KIF15: variants seen among roughly 807,000 people sequenced by gnomAD.
KIF15 encodes kinesin-like protein KIF15.
Under a neutral mutation model 190.6 loss-of-function variants are expected in KIF15, and 140 were observed. That is an observed-to-expected ratio of 0.73 (90% CI 0.64 to 0.84). The LOEUF (loss-of-function observed/expected upper bound fraction) is 0.84, where lower values mean the gene tolerates loss of function less well. KIF15 is among the 40% of genes least tolerant of loss of function. KIF15 has a pLI of 0.00. For missense variants in KIF15, 1,372 were observed against 1,584.4 expected, an observed-to-expected ratio of 0.87 and a Z score of 2.28; for synonymous variants, 528 against 551.3, an observed-to-expected ratio of 0.96 and a Z score of 0.59.
At chr3:44,822,361 G>T (rs1697389376) in intron 20 of KIF15, among the ~76,000 whole-genome samples, 2 of 152,164 alleles carry the variant, frequency 1.3e-5, no homozygotes, top group African/African-American at 4.8e-5. Flanking sequence ...TAGAGTTTCT[G>T]CTGAGAGATC....
At chr3:44,862,158 C>CG in intron 6 of KIF15, 6 of 61,108 alleles carry the variant, frequency 9.8e-5, no homozygotes, top group Non-Finnish European at 1.8e-4. Flanking sequence ...TGCGGGCGGG[C>CG]GGGCGGGGCG....
chr3:44,768,294 A>G (rs1026323290), intron 1 of KIF15, among the ~76,000 whole-genome samples: 7 of 149,116 alleles, frequency 4.7e-5, no homozygotes, highest in Non-Finnish European at 7.4e-5. Flanking sequence ...AAAAGAAAAG[A>G]AAAAAAAAAC....
At chr3:44,848,627 T>C (rs1236724783) in intron 32 of KIF15, 69 bp downstream of exon 32, 4 of 682,692 alleles carry the variant, frequency 5.9e-6, no homozygotes, top group Admixed American at 7.1e-5. Flanking sequence ...AGGAATGATA[T>C]ACCACAAGGT....
chr3:44,849,696 AC>A (rs1698993053), intron 32 of KIF15, among the ~76,000 whole-genome samples: 1 of 152,056 alleles, frequency 6.6e-6, no homozygotes, highest in Admixed American at 6.6e-5. Context: ...TTTATTGATA[AC>A]CCCATCATAC....
At chr3:44,857,804 TGAA>T (rs1391547009), downstream of KIF15, among the ~76,000 whole-genome samples, 2 of 152,298 alleles carry the variant, frequency 1.3e-5, no homozygotes, top group African/African-American at 4.8e-5. Context: ...TATGTTTTTA[TGAA>T]GAATTATGCC....
chr3:44,839,228 C>T (rs548534232), intron 27 of KIF15, among the ~76,000 whole-genome samples: 2 of 152,072 alleles, frequency 1.3e-5, no homozygotes, highest in African/African-American at 4.8e-5. Context: ...AAAAATTAGC[C>T]GGGCGTGGTG....
chr3:44,829,778 TATATATAATATATGC>T (rs1204788158), intron 24 of KIF15, among the ~76,000 whole-genome samples, 178 bp from the exon 25 acceptor site: 2 of 140,338 alleles, frequency 1.4e-5, no homozygotes, highest in East Asian at 2.0e-4. Context: ...TATAGATGTA[TATATATAATATATGC>T]ATATATAATA....
chr3:44,803,938 A>C (rs1277622052), intron 14 of KIF15, among the ~76,000 whole-genome samples: 1 of 151,616 alleles, frequency 6.6e-6, no homozygotes, highest in Non-Finnish European at 1.5e-5. Context: ...TGCAACCTCC[A>C]CCTCCTGGAT....
chr3:44,788,492 C>T (rs1262464492), intron 7 of KIF15, among the ~76,000 whole-genome samples: 1 of 150,942 alleles, frequency 6.6e-6, no homozygotes, highest in Non-Finnish European at 1.5e-5. Context: ...CTCGCTCTGT[C>T]ACCCAGGCCA....
At chr3:44,839,898 A>G (rs769661432) in intron 27 of KIF15, among the ~76,000 whole-genome samples, 2 of 152,226 alleles carry the variant, frequency 1.3e-5, no homozygotes, top group Non-Finnish European at 2.9e-5. Flanking sequence ...GTGTATATAT[A>G]TAGCACATTT....
At chr3:44,848,373 G>A (rs1228062534) in intron 31 of KIF15, 148 bp from the exon 32 acceptor site, 2 of 564,478 alleles carry the variant, frequency 3.5e-6, no homozygotes, top group African/African-American at 3.8e-5. Flanking sequence ...CTTACTTTAT[G>A]TATGTGTAGC....
At chr3:44,768,710 C>T (rs548808146) in intron 1 of KIF15, among the ~76,000 whole-genome samples, 1 of 152,292 alleles carries the variant, frequency 6.6e-6, no homozygotes, top group Admixed American at 6.5e-5. Flanking sequence ...AAAGACCAAT[C>T]TTAACTGCTT....
At chr3:44,863,734 A>C in intron 6 of KIF15, 1 of 166,398 alleles carries the variant, frequency 6.0e-6, no homozygotes, top group Non-Finnish European at 1.3e-5. Context: ...TGTAACTTGT[A>C]TAGGATTTGG....
intron 7 of KIF15, among the ~76,000 whole-genome samples, chr3:44,793,162 A>C (rs1706799495): frequency 6.6e-6 from 1 of 152,156 alleles, no homozygotes; most frequent in African/African-American, 2.4e-5. Context: ...CCATATTCCC[A>C]TTTTACAAAT....
At chr3:44,766,804 T>TTTG in intron 1 of KIF15, among the ~76,000 whole-genome samples, 3 of 148,644 alleles carry the variant, frequency 2.0e-5, no homozygotes, top group African/African-American at 7.4e-5. Flanking sequence ...CTTTTCTTTC[T>TTTG]TTCTTTTTTT....
chr3:44,789,566 T>C (rs931738376), intron 7 of KIF15, among the ~76,000 whole-genome samples: 8 of 149,722 alleles, frequency 5.3e-5, no homozygotes, highest in African/African-American at 1.7e-4. Context: ...GTGTAATCTA[T>C]TGATACTTCA....
chr3:44,786,255 T>G, intron 6 of KIF15, 140 bp from the exon 7 acceptor site: 1 of 558,104 alleles, frequency 1.8e-6, no homozygotes, highest in South Asian at 4.6e-5. Flanking sequence ...TTTTTTTTAC[T>G]TTTAGGTATC....
chr3:44,790,183 A>AT (rs879520258), intron 7 of KIF15, among the ~76,000 whole-genome samples: 101 of 146,298 alleles, frequency 6.9e-4, no homozygotes, highest in Middle Eastern at 3.5e-3. Context: ...ACTTTATGAC[A>AT]TTTTTTTTTT....
chr3:44,763,795 C>G (rs1045236642), intron 1 of KIF15, among the ~76,000 whole-genome samples: 1 of 152,018 alleles, frequency 6.6e-6, no homozygotes, highest in Non-Finnish European at 1.5e-5. Context: ...TCAAGCAGTA[C>G]TCGTGCCTCA....
Sources: gnomAD v4.1 joint callset for allele counts (sites outside exome capture counted in the v4.1 genomes callset) on GRCh38, gnomAD v4.1.1 for gene constraint, MANE v1.5 for transcripts, NCBI Gene and HGNC (gene_info 2026-07-23, HGNC 2026-07-21) for gene names.